The following DACH1 variants were observed in gnomAD, a reference collection of about 807,000 sequenced individuals.
DACH1 encodes dachshund homolog 1.
Under a neutral mutation model 54.2 loss-of-function variants are expected in DACH1, and 12 were observed. The ratio of observed to expected loss-of-function variants is 0.22; its 90% CI spans 0.14 to 0.36. The LOEUF (loss-of-function observed/expected upper bound fraction) is 0.36, where lower values mean the gene tolerates loss of function less well. Among genes scored for constraint, DACH1 ranks in the 10% least tolerant of loss-of-function variants. The pLI is 1.00. For missense variants in DACH1, 805 were observed against 929.8 expected (o/e 0.87, Z 1.75); for synonymous variants, 386 against 366.2 (o/e 1.05, Z -0.62).
chr13:71,670,209 G>GA (rs1440714124), intron 2 of DACH1, among the ~76,000 whole-genome samples: 65 of 152,062 alleles, frequency 4.3e-4, no homozygotes, highest in Non-Finnish European at 1.5e-5. Context: ...ATTCCTTAAT[G>GA]AAGTGCAAAA....
chr13:71,642,740 G>A (rs918538887), intron 2 of DACH1, among the ~76,000 whole-genome samples: 1 of 152,026 alleles, frequency 6.6e-6, no homozygotes, highest in African/African-American at 2.4e-5. Context: ...ACTAACTCAG[G>A]CCGGGCGCAG....
At chr13:71,588,943 T>C (rs148255612) in intron 3 of DACH1, among the ~76,000 whole-genome samples, 146 of 152,118 alleles carry the variant, frequency 9.6e-4, no homozygotes, top group Middle Eastern at 3.4e-3. Context: ...GTTTAAATAT[T>C]AAGTCAATGT....
intron 1 of DACH1, among the ~76,000 whole-genome samples, chr13:71,794,446 A>C (rs1043587524): frequency 4.6e-5 from 7 of 152,082 alleles, no homozygotes; most frequent in East Asian, 1.9e-4. Flanking sequence ...CATTTTATTT[A>C]TTTATTTATT....
At chr13:71,546,066 C>T (rs527640657) in intron 6 of DACH1, among the ~76,000 whole-genome samples, 1 of 152,068 alleles carries the variant, frequency 6.6e-6, no homozygotes, top group Admixed American at 6.6e-5. Context: ...AAGGCTGATA[C>T]ATTTTTATGT....
intron 1 of DACH1, among the ~76,000 whole-genome samples, chr13:71,819,579 A>T (rs1453600031): frequency 6.6e-6 from 1 of 152,204 alleles, no homozygotes; most frequent in East Asian, 1.9e-4. Flanking sequence ...ATTAGAGGTC[A>T]TGACTTTGTC....
chr13:71,578,522 T>C (rs1263184356), intron 3 of DACH1, among the ~76,000 whole-genome samples: 3 of 152,190 alleles, frequency 2.0e-5, no homozygotes, highest in African/African-American at 7.2e-5. Context: ...CTATTTTGCA[T>C]GAGTTGCGGA....
At position 71,573,374 on chromosome 13, in the gene DACH1, T is replaced by A. The variant is rs775262474; in HGVS notation, c.1127-362A>T. The A allele has an allele frequency of 2.1e-5, 15 of 710,608 alleles. No homozygotes were observed. The East Asian group carries it at 3.5e-4, about 17-fold the overall frequency. The allele number at this position is 710,608 out of a possible 1,614,324, so 44.0% of individuals were successfully genotyped here. On this transcript the variant is annotated intron_variant, in intron 3 of 10. Coordinates refer to ENST00000613252, the MANE Select transcript of DACH1 (RefSeq NM_080759.6). ...TATTTTGCCAACTGATAAATACAATTTAAAAAAAACTATGATTTTTAATAC... is the reference window on the plus strand; with the variant it reads ...TATTTTGCCAACTGATAAATACAATATAAAAAAAACTATGATTTTTAATAC...
chr13:71,446,660 T>C (rs1337508269), intron 10 of DACH1, among the ~76,000 whole-genome samples: 1 of 152,074 alleles, frequency 6.6e-6, no homozygotes, highest in Non-Finnish European at 1.5e-5. Context: ...GGACTGTCCC[T>C]GGAAAAAATA....
intron 8 of DACH1, among the ~76,000 whole-genome samples, chr13:71,477,544 A>G (rs1023179704): frequency 6.6e-6 from 1 of 152,160 alleles, no homozygotes; most frequent in African/African-American, 2.4e-5. Flanking sequence ...ACGAAAAGAA[A>G]TTGAAACTGA....
chr13:71,623,588 A>T (rs1215547466), intron 3 of DACH1, among the ~76,000 whole-genome samples: 2 of 151,826 alleles, frequency 1.3e-5, no homozygotes, highest in East Asian at 3.9e-4. Flanking sequence ...GTTTTGGAAC[A>T]TGTGGTTACT....
intron 1 of DACH1, among the ~76,000 whole-genome samples, chr13:71,706,742 T>C (rs1306537863): frequency 1.3e-5 from 2 of 152,150 alleles, no homozygotes; most frequent in African/African-American, 4.8e-5. Flanking sequence ...TTTGAAGTAT[T>C]ATATAAAGTT....
chr13:71,642,154 C>T (rs1877955191), intron 2 of DACH1, among the ~76,000 whole-genome samples: 1 of 152,152 alleles, frequency 6.6e-6, no homozygotes, highest in Non-Finnish European at 1.5e-5. Context: ...TGTAGTTATA[C>T]TGATCCAATG....
chr13:71,523,143 C>T (rs779232239), intron 6 of DACH1, among the ~76,000 whole-genome samples: 3 of 152,154 alleles, frequency 2.0e-5, no homozygotes, highest in Non-Finnish European at 4.4e-5. Context: ...TGTGCTCTGG[C>T]GTAAATACTT....
rs142879704 is a variant in DACH1 at position 71,500,883 on chromosome 13, G to C, written c.1571-11735C>G. On this transcript the variant is annotated intron_variant, in intron 6 of 10. Transcript: ENST00000613252. ...AAAAAGTGGTTTTTTTTTAAATTAAGCCTGAATATTGTGGCTCAGTTTCCA... is the reference window on the plus strand; with the variant it reads ...AAAAAGTGGTTTTTTTTTAAATTAACCCTGAATATTGTGGCTCAGTTTCCA... Among the ~76,000 whole-genome samples the C allele has an allele frequency of 2.9e-3, 433 of 151,572 alleles. 1 individual carries two copies. Among genetic ancestry groups the C allele is most frequent in the African/African-American group, 9.8e-3 (405 of 41,292 alleles).
At chr13:71,803,909 G>A (rs950967496) in intron 1 of DACH1, among the ~76,000 whole-genome samples, 1 of 152,146 alleles carries the variant, frequency 6.6e-6, no homozygotes, top group Non-Finnish European at 1.5e-5. Context: ...TCATGTGTTT[G>A]TGCCTAGGAC....
Position 71,496,179 on chromosome 13 carries a change from G to A in DACH1, c.1571-7031C>T, listed in dbSNP as rs144510832. Among the ~76,000 whole-genome samples, 1,266 of 149,374 alleles carry A rather than the reference G, an allele frequency of 8.5e-3. 15 individuals carry two copies. The highest frequency in any genetic ancestry group is 0.029 in the African/African-American group (1,174 of 40,560). On this transcript the variant is annotated intron_variant, in intron 6 of 10. Coordinates refer to ENST00000613252, the MANE Select transcript of DACH1 (RefSeq NM_080759.6). ...CTTGAACCTAGGGGGCAGAGGTTGC[G>A]GTGAGCGGAGATGGCACCACTGCAC...
chr13:71,561,173 C>T (rs999450064), intron 4 of DACH1, among the ~76,000 whole-genome samples: 2 of 152,092 alleles, frequency 1.3e-5, no homozygotes, highest in African/African-American at 4.8e-5. Context: ...TGAAATCCTG[C>T]TGCACATCAG....
chr13:71,461,171 C>T (rs552200850), intron 10 of DACH1, among the ~76,000 whole-genome samples: 1 of 152,084 alleles, frequency 6.6e-6, no homozygotes, highest in South Asian at 2.1e-4. Flanking sequence ...AAATATTGGG[C>T]ATTTTTATCC....
At chr13:71,598,445 G>T (rs1874268572) in intron 3 of DACH1, among the ~76,000 whole-genome samples, 1 of 151,934 alleles carries the variant, frequency 6.6e-6, no homozygotes, top group South Asian at 2.1e-4. Flanking sequence ...AGTAGAGACG[G>T]GGTTTCACCA....
Sources: allele counts gnomAD v4.1 joint callset (sites outside exome capture counted in the v4.1 genomes callset), GRCh38; gene constraint gnomAD v4.1.1; transcripts MANE v1.5; gene names NCBI Gene and HGNC (gene_info 2026-07-23, HGNC 2026-07-21).